Variants in AGBL1 observed in about 807,000 individuals in gnomAD.
AGBL1 encodes cytosolic carboxypeptidase 4.
Under a neutral mutation model 118.9 loss-of-function variants are expected in AGBL1, and 130 were observed. The ratio of observed to expected loss-of-function variants is 1.09; its 90% CI spans 0.95 to 1.26. AGBL1 has a LOEUF of 1.26. Ranked by LOEUF, AGBL1 falls within the 50% of genes most tolerant of loss-of-function variation. The pLI, the probability that AGBL1 is intolerant of heterozygous loss-of-function variation, is 0.00. For missense variants in AGBL1, 1,584 were observed against 1,298.1 expected (o/e 1.22, Z -3.38); for synonymous variants, 555 against 478.9 (o/e 1.16, Z -2.08).
intron 1 of AGBL1, among the ~76,000 whole-genome samples, chr15:86,089,141 G>C (rs1048558995): frequency 2.0e-5 from 3 of 152,314 alleles, no homozygotes; most frequent in African/African-American, 7.2e-5. Context: ...GGGATCCATG[G>C]AACACATTTG....
At chr15:86,678,406 A>T (rs757678868) in intron 22 of AGBL1, among the ~76,000 whole-genome samples, 2 of 152,162 alleles carry the variant, frequency 1.3e-5, no homozygotes. Context: ...TCTGATGCAG[A>T]TAAAAATCCT....
chr15:86,689,202 G>C (rs555512176), intron 22 of AGBL1, among the ~76,000 whole-genome samples: 5 of 152,084 alleles, frequency 3.3e-5, no homozygotes, highest in Non-Finnish European at 7.4e-5. Context: ...ATTTTCTACA[G>C]ATGGTTGCAT....
At chr15:86,256,422 A>G (rs2078896042) in intron 7 of AGBL1, among the ~76,000 whole-genome samples, 1 of 152,222 alleles carries the variant, frequency 6.6e-6, no homozygotes, top group Non-Finnish European at 1.5e-5. Context: ...GAAAGAGAAA[A>G]GCAAAACTTC....
chr15:86,331,223 C>CAAAA (rs71144041), intron 17 of AGBL1, among the ~76,000 whole-genome samples: 2 of 97,132 alleles, frequency 2.1e-5, no homozygotes, highest in Non-Finnish European at 4.1e-5. Context: ...GACTCCATCT[C>CAAAA]AAAAAAAAAA....
intron 18 of AGBL1, among the ~76,000 whole-genome samples, chr15:86,464,334 T>C (rs1233038271): frequency 1.3e-5 from 2 of 152,194 alleles, no homozygotes; most frequent in Non-Finnish European, 2.9e-5. Context: ...TTAAGGTGTT[T>C]TGGGGCTAAG....
At chr15:86,109,742 T>C (rs1475336776) in intron 1 of AGBL1, 2 of 152,228 alleles carry the variant, frequency 1.3e-5, no homozygotes, top group African/African-American at 2.4e-5. Flanking sequence ...GCTCTGTCCA[T>C]TGCATGCCAC....
chr15:86,568,136 T>C (rs1680023571), intron 21 of AGBL1, among the ~76,000 whole-genome samples: 1 of 152,194 alleles, frequency 6.6e-6, no homozygotes, highest in Non-Finnish European at 1.5e-5. Context: ...TAATATCCCA[T>C]TGAGAGTTTA....
intron 1 of AGBL1, among the ~76,000 whole-genome samples, chr15:86,135,757 A>G (rs1034953544): frequency 6.6e-6 from 1 of 151,866 alleles, no homozygotes; most frequent in Non-Finnish European, 1.5e-5. Flanking sequence ...ATTCTTTTCT[A>G]CTCCTCCAGT....
chr15:86,855,205 G>A (rs556464552), intron 22 of AGBL1, among the ~76,000 whole-genome samples: 1 of 152,324 alleles, frequency 6.6e-6, no homozygotes, highest in African/African-American at 2.4e-5. Context: ...ATTCCACACT[G>A]ATATTTAAAG....
intron 22 of AGBL1, among the ~76,000 whole-genome samples, chr15:86,756,676 A>G (rs899515965): frequency 6.6e-6 from 1 of 152,066 alleles, no homozygotes; most frequent in African/African-American, 2.4e-5. Flanking sequence ...CACTGTGTGA[A>G]GTAGAGGGTG....
rs139831044 is a variant in AGBL1 at position 86,319,743 on chromosome 15, G to GTTTTTT, written c.2374+24366_2374+24371dup. On this transcript the variant is annotated intron_variant, in intron 17 of 22. Coordinates refer to ENST00000614907, the MANE Select transcript of AGBL1 (RefSeq NM_001386094.1). The stretch of plus-strand genomic sequence containing the variant: ...TGTACTTTGTTTTGCCTCTTTGGTA[G>GTTTTTT]TTTTTTTTTTTTTTTTTTTTTTTTT... Among the ~76,000 whole-genome samples, 4 of 47,254 alleles carry GTTTTTT rather than the reference G, an allele frequency of 8.5e-5. 1 individual carries two copies. Among genetic ancestry groups the GTTTTTT allele is most frequent in the Non-Finnish European group, 7.2e-5 (2 of 27,908 alleles). The allele number at this position is 47,254 out of a possible 152,430, so 31.0% of individuals were successfully genotyped here.
intron 23 of AGBL1, among the ~76,000 whole-genome samples, chr15:86,929,860 TATG>T (rs2080584801): frequency 6.6e-6 from 1 of 152,210 alleles, no homozygotes; most frequent in African/African-American, 2.4e-5. Context: ...CACAGATGAA[TATG>T]ATTTCTAAAC....
At chr15:86,299,562 A>G (rs1270684599) in intron 17 of AGBL1, among the ~76,000 whole-genome samples, 1 of 152,054 alleles carries the variant, frequency 6.6e-6, no homozygotes, top group Non-Finnish European at 1.5e-5. Flanking sequence ...GGAGCAGAAG[A>G]TATCCCATAA....
chr15:86,308,383 A>G (rs1597713964), intron 17 of AGBL1, among the ~76,000 whole-genome samples: 1 of 152,326 alleles, frequency 6.6e-6, no homozygotes, highest in South Asian at 2.1e-4. Context: ...CTGCCATGTG[A>G]GGACACTGAG....
chr15:86,475,638 G>A (rs185862724), intron 18 of AGBL1, among the ~76,000 whole-genome samples: 67 of 152,276 alleles, frequency 4.4e-4, no homozygotes, highest in Admixed American at 4.0e-3. Context: ...GAACCAAGTT[G>A]GAAAACACTC....
At chr15:86,776,512 C>CT (rs1331834985) in intron 22 of AGBL1, among the ~76,000 whole-genome samples, 1 of 150,150 alleles carries the variant, frequency 6.7e-6, no homozygotes, top group Non-Finnish European at 1.5e-5. Flanking sequence ...TCTTTCTGTT[C>CT]TTTTTTTTCT....
At chr15:86,994,199 A>G (rs946434191) in intron 24 of AGBL1, among the ~76,000 whole-genome samples, 2 of 152,180 alleles carry the variant, frequency 1.3e-5, no homozygotes, top group Non-Finnish European at 2.9e-5. Flanking sequence ...GTAGATTGGA[A>G]TGATATGGAT....
intron 17 of AGBL1, among the ~76,000 whole-genome samples, chr15:86,350,701 G>T (rs2080611967): frequency 6.6e-6 from 1 of 152,194 alleles, no homozygotes; most frequent in Non-Finnish European, 1.5e-5. Context: ...GCTAGTTTCA[G>T]AAGTTTGGCT....
intron 21 of AGBL1, among the ~76,000 whole-genome samples, chr15:86,606,856 T>C (rs1011622599): frequency 1.3e-5 from 2 of 152,200 alleles, no homozygotes; most frequent in Non-Finnish European, 2.9e-5. Context: ...GATCATTCTT[T>C]GTGTTGTTCA....
Sources: allele counts gnomAD v4.1 joint callset (sites outside exome capture counted in the v4.1 genomes callset), GRCh38; gene constraint gnomAD v4.1.1; transcripts MANE v1.5; gene names NCBI Gene and HGNC (gene_info 2026-07-23, HGNC 2026-07-21).